Variants in SPON1 observed in about 807,000 individuals in gnomAD.
The protein encoded by SPON1 is spondin-1.
Under a neutral mutation model 111.7 loss-of-function variants are expected in SPON1, and 52 were observed. The ratio of observed to expected loss-of-function variants is 0.47; its 90% CI spans 0.37 to 0.59. The LOEUF (loss-of-function observed/expected upper bound fraction) is 0.59, where lower values mean the gene tolerates loss of function less well. Ranked by LOEUF, SPON1 falls within the 20% of genes least tolerant of loss-of-function variation. The pLI is 0.00. For synonymous variants in SPON1, 410 were observed against 395.8 expected (o/e 1.04, Z -0.43); for missense variants, 957 against 1,068.5 (o/e 0.90, Z 1.46).
At chr11:14,253,724 C>T (rs910454946) in intron 7 of SPON1, among the ~76,000 whole-genome samples, 20 of 152,238 alleles carry the variant, frequency 1.3e-4, no homozygotes, top group African/African-American at 4.6e-4. Flanking sequence ...AAGCCTCAGC[C>T]CCCTCCTAGC....
intron 6 of SPON1, among the ~76,000 whole-genome samples, chr11:14,203,953 G>A (rs1410983734): frequency 1.3e-5 from 2 of 152,184 alleles, no homozygotes; most frequent in Non-Finnish European, 2.9e-5. Context: ...GAGCAGGGAA[G>A]TCCAAAATCC....
At chr11:13,990,306 T>C (rs966505174) in intron 2 of SPON1, among the ~76,000 whole-genome samples, 9 of 150,286 alleles carry the variant, frequency 6.0e-5, no homozygotes, top group Admixed American at 1.3e-4. Flanking sequence ...GTAATGCCCT[T>C]CTTTGTCTCT....
At chr11:13,993,776 T>C (rs868957454) in intron 2 of SPON1, among the ~76,000 whole-genome samples, 15 of 152,222 alleles carry the variant, frequency 9.9e-5, no homozygotes, top group African/African-American at 3.1e-4. Flanking sequence ...GCAGCAACTA[T>C]GAACAGGACA....
intron 6 of SPON1, among the ~76,000 whole-genome samples, chr11:14,146,705 C>T (rs1050658020): frequency 6.6e-5 from 10 of 152,148 alleles, no homozygotes; most frequent in East Asian, 1.9e-4. Context: ...GATATAAAAA[C>T]GTTATAAAAC....
chr11:14,207,336 AG>A (rs1423542090), intron 6 of SPON1, among the ~76,000 whole-genome samples: 2 of 152,224 alleles, frequency 1.3e-5, no homozygotes, highest in African/African-American at 4.8e-5. Context: ...AGAAGCCAAA[AG>A]CAATTGCAAC....
At position 14,258,496 on chromosome 11, in the gene SPON1, C is replaced by T. The variant is rs551534671; in HGVS notation, c.1492+598C>T. Among the ~76,000 whole-genome samples, 212 of 152,336 alleles carry T rather than the reference C, an allele frequency of 1.4e-3. 2 individuals are homozygous for T. The highest frequency in any genetic ancestry group is 4.8e-3 in the African/African-American group (198 of 41,568). On this transcript the variant is annotated intron_variant, in intron 11 of 15. Transcript: ENST00000576479. ...AAAGGTCAGCTATCTGCTTCCCAAG[C>T]CATGACCCCTTTCTCTGCCTGATAG... is the stretch of plus-strand genomic sequence containing the variant.
In SPON1 at chr11:14,259,969, CTG is replaced by C. The variant is rs1298209897; in HGVS notation, c.1831+272_1831+273del. Among the ~76,000 whole-genome samples the C allele has an allele frequency of 2.0e-5, 3 of 152,146 alleles. No homozygotes were observed. The highest frequency in any genetic ancestry group is 7.2e-5 in the African/African-American group (3 of 41,450). On this transcript the variant is annotated intron_variant, in intron 13 of 15. Coordinates refer to ENST00000576479, the MANE Select transcript of SPON1 (RefSeq NM_006108.4). The surrounding 1 kb of genome is among the most constrained non-coding windows in gnomAD (Gnocchi z 5.0). ...CTCTGGATAGAGAATTCACCTGCAG[CTG>C]TGTTTTATAGGAGTGTCTTTCTTGC...
intron 3 of SPON1, among the ~76,000 whole-genome samples, chr11:14,071,699 G>T (rs1848877670): frequency 6.6e-6 from 1 of 151,162 alleles, no homozygotes; most frequent in Non-Finnish European, 1.5e-5. Context: ...GAGGATAAAT[G>T]AAATTCATAC....
In SPON1 at chr11:14,255,770, G is replaced by C. The variant is rs371600002; in HGVS notation, c.1216G>C (p.Glu406Gln). Residue 406 changes from glutamate (E) to glutamine (Q), a missense_variant, in exon 9 of 16, where the codon GAG (glutamate) becomes CAG (glutamine). Glu to Gln is a conservative substitution (Grantham distance 29). This residue lies in a region of SPON1 where 549 missense variants were observed against 606.2 expected (regional missense o/e 0.91). Transcript: ENST00000576479. Reference protein sequence around the residue: ...SITQVARVVIERIARKGEQCN... With the variant: ...SITQVARVVIQRIARKGEQCN... Reference sequence around the variant, plus strand: ...CACTCAAGTAGCCAGAGTTGTCATCGAGAGAATCGCACGGAAGGTACTGGG... The same window carrying C: ...CACTCAAGTAGCCAGAGTTGTCATCCAGAGAATCGCACGGAAGGTACTGGG... The C allele has an allele frequency of 5.6e-6, 9 of 1,613,692 alleles. No homozygotes were observed. The highest frequency in any genetic ancestry group is 7.6e-6 in the Non-Finnish European group (9 of 1,179,866).
chr11:14,023,485 T>G (rs1848495122), intron 2 of SPON1, among the ~76,000 whole-genome samples: 1 of 152,184 alleles, frequency 6.6e-6, no homozygotes, highest in Non-Finnish European at 1.5e-5. Flanking sequence ...TTCCCTCTCT[T>G]CGTGCTACAA....
intron 1 of SPON1, among the ~76,000 whole-genome samples, chr11:13,977,027 C>A (rs1848108576): frequency 6.6e-6 from 1 of 152,184 alleles, no homozygotes; most frequent in South Asian, 2.1e-4. Flanking sequence ...TTGCATGTGG[C>A]AGTATGTGTT....
chr11:13,990,787 C>T (rs556845495), intron 2 of SPON1, among the ~76,000 whole-genome samples: 10 of 152,176 alleles, frequency 6.6e-5, no homozygotes, highest in Admixed American at 4.6e-4. Flanking sequence ...AATCTCTCAG[C>T]ATTTGCTTGT....
intron 7 of SPON1, among the ~76,000 whole-genome samples, chr11:14,249,389 G>A (rs1849028178): frequency 1.3e-5 from 2 of 152,210 alleles, no homozygotes; most frequent in African/African-American, 4.8e-5. Flanking sequence ...CAGGTGGTAG[G>A]TCTAAGCATC....
chr11:14,042,015 T>G (rs1337441047), intron 3 of SPON1, among the ~76,000 whole-genome samples: 1 of 152,088 alleles, frequency 6.6e-6, no homozygotes, highest in Admixed American at 6.5e-5. Flanking sequence ...CTAGAATCCT[T>G]AAACACTGCT....
At chr11:14,255,603 C>A (rs1849097584) in intron 8 of SPON1, 44 bp from the exon 9 acceptor site, 1 of 1,590,862 alleles carries the variant, frequency 6.3e-7, no homozygotes, top group Non-Finnish European at 8.6e-7. Flanking sequence ...GTGGGTTTTC[C>A]CAATTTTATT....
At chr11:14,207,903 C>T (rs1848532714) in intron 6 of SPON1, among the ~76,000 whole-genome samples, 4 of 152,136 alleles carry the variant, frequency 2.6e-5, no homozygotes, top group South Asian at 2.1e-4. Flanking sequence ...CACACGTACA[C>T]GTATGTTCAC....
intron 6 of SPON1, among the ~76,000 whole-genome samples, chr11:14,141,093 G>A (rs1027030640): frequency 1.5e-5 from 2 of 136,842 alleles, no homozygotes; most frequent in South Asian, 2.4e-4. Flanking sequence ...CTAAACCCCC[G>A]CCTCCAGCTC....
intron 3 of SPON1, among the ~76,000 whole-genome samples, chr11:14,059,736 C>A (rs1848776057): frequency 6.6e-6 from 1 of 151,840 alleles, no homozygotes; most frequent in African/African-American, 2.4e-5. Context: ...AGAGCAAGTT[C>A]CCCCCAGCAG....
intron 2 of SPON1, among the ~76,000 whole-genome samples, chr11:14,020,691 T>A (rs527311285): frequency 1.3e-4 from 20 of 152,304 alleles, no homozygotes; most frequent in African/African-American, 4.1e-4. Context: ...AAGCCCATCA[T>A]ATAGGATTAA....
Sources: allele counts gnomAD v4.1 joint callset (sites outside exome capture counted in the v4.1 genomes callset), GRCh38; gene constraint gnomAD v4.1.1; regional missense constraint gnomAD v4.1.1; non-coding constraint Gnocchi (gnomAD v3.1); transcripts MANE v1.5; gene names NCBI Gene and HGNC (gene_info 2026-07-23, HGNC 2026-07-21).